The following TTBK1 variants were observed in gnomAD, a reference collection of about 807,000 sequenced individuals.
The protein encoded by TTBK1 is tau-tubulin kinase 1.
Under a neutral mutation model 108.5 loss-of-function variants are expected in TTBK1, and 34 were observed. The ratio of observed to expected loss-of-function variants is 0.31; its 90% CI spans 0.24 to 0.42. The LOEUF (loss-of-function observed/expected upper bound fraction) is 0.42. Ranked by LOEUF, TTBK1 falls within the 10% of genes least tolerant of loss-of-function variation. The probability of loss-of-function intolerance (pLI) is 1.00; values close to 1 mark genes in which losing one functional copy is unlikely to be tolerated. For missense variants in TTBK1, 1,539 were observed against 1,826.0 expected, an observed-to-expected ratio of 0.84 and a Z score of 2.86; for synonymous variants, 809 against 795.1, an observed-to-expected ratio of 1.02 and a Z score of -0.29.
At chr6:43,270,390 G>A (rs1184852707) in intron 13 of TTBK1, 10 of 1,002,594 alleles carry the variant, frequency 1.0e-5, no homozygotes, top group South Asian at 4.6e-5. Context: ...AGGGGCTGGC[G>A]GGAGGCCAAG....
Position 43,285,154 on chromosome 6 carries a change from C to T in TTBK1, c.3744C>T (p.Ser1248=). 1 of 1,423,080 alleles carries T rather than the reference C, an allele frequency of 7.0e-7. No homozygotes were observed. Among genetic ancestry groups the T allele is most frequent in the African/African-American group, 1.5e-5 (1 of 66,542 alleles). 88.2% of individuals were successfully genotyped at this position (1,423,080 alleles called of 1,614,324 possible). A position where few individuals can be genotyped will look rare whatever the true frequency, so the allele number is the denominator to read the frequency against. ...STSAARNASA[S]PRSQSLSRRE... ...CCGCCGCGCGCAATGCCAGCGCGTC[C>T]CCCCGGAGCCAGTCCCTGTCCCGCA... The change falls in exon 15 of 15, where the codon TCC becomes TCT. Residue 1248 remains serine, a synonymous_variant. Transcript: ENST00000259750. The surrounding 1 kb of genome is among the most constrained non-coding windows in gnomAD (Gnocchi z 4.7).
At chr6:43,255,462 C>T (rs1777358038) in intron 7 of TTBK1, 90 bp from the exon 8 acceptor site, 14 of 1,236,258 alleles carry the variant, frequency 1.1e-5, no homozygotes, top group Non-Finnish European at 1.5e-5. Context: ...TGTCAGGCCT[C>T]CCTGACAGAT....
At position 43,285,360 on chromosome 6, in the gene TTBK1, G is replaced by A. The variant is rs1778345697; in HGVS notation, c.3950G>A (p.Arg1317Gln). The A allele has an allele frequency of 2.3e-6, 3 of 1,281,914 alleles. No individual in the cohort carries two copies. Among genetic ancestry groups the A allele is most frequent in the South Asian group, 2.9e-5 (1 of 34,986 alleles). The allele number at this position is 1,281,914 out of a possible 1,614,324, so 79.4% of individuals were successfully genotyped here. Residue 1317 changes from arginine to glutamine, a missense_variant, in exon 15 of 15, where the codon CGG (arginine) becomes CAG (glutamine). Arg to Gln is a conservative substitution (Grantham distance 43, BLOSUM62 1). Around this residue, in one of 5 missense-constraint regions of TTBK1, gnomAD observed 1,055 missense variants for 1,086.5 expected, o/e 0.97. Coordinates refer to ENST00000259750, the MANE Select transcript of TTBK1 (RefSeq NM_032538.3). This position sits in a 1 kb window ranked among gnomAD's most constrained non-coding sequence, Gnocchi z 4.7. ...TKGRAGGAEG[R>Q]AGAR ...GGCCGGGCAGGAGGCGCGGAGGGCC[G>A]GGCTGGGGCCAGATAATGACGCCCG... is the stretch of plus-strand genomic sequence containing the variant.
chr6:43,245,808 T>C (rs1338411743), intron 1 of TTBK1, among the ~76,000 whole-genome samples: 2 of 152,160 alleles, frequency 1.3e-5, no homozygotes, highest in Non-Finnish European at 2.9e-5. Context: ...AGACCTGCTG[T>C]TCTCTTTCAC....
chr6:43,248,556 C>G (rs1443918015), intron 2 of TTBK1, among the ~76,000 whole-genome samples: 1 of 152,196 alleles, frequency 6.6e-6, no homozygotes, highest in Non-Finnish European at 1.5e-5. Context: ...AACCTCATCT[C>G]TACTAAAAAT....
In TTBK1 at chr6:43,284,143, G is replaced by A. The variant is rs777659753; in HGVS notation, c.3403G>A (p.Ala1135Thr). Residue 1135 changes from alanine (A) to threonine (T), a missense_variant, in exon 14 of 15, where the codon GCC becomes ACC. Around this residue, in one of 5 missense-constraint regions of TTBK1, gnomAD observed 1,055 missense variants for 1,086.5 expected, o/e 0.97. Transcript: ENST00000259750. ...SGTGSEEDTP[A>T]SEPAAALPRK... Reference sequence around the variant, plus strand: ...CACGGGCTCTGAGGAGGACACGCCCGCCTCTGAGCCGGCAGCGGCCTTGCC... The same window carrying A: ...CACGGGCTCTGAGGAGGACACGCCCACCTCTGAGCCGGCAGCGGCCTTGCC... 84 of 1,544,188 alleles carry A rather than the reference G, an allele frequency of 5.4e-5. 2 individuals carry two copies. Among genetic ancestry groups the A allele is most frequent in the African/African-American group, 8.2e-5 (6 of 73,344 alleles).
Position 43,253,534 on chromosome 6 carries a change from G to C in TTBK1, c.331-34G>C. 6.3e-7 allele frequency: 1 copy of C among 1,590,416 alleles called. No homozygotes were observed. Among genetic ancestry groups the C allele is most frequent in the Non-Finnish European group, 8.6e-7 (1 of 1,168,092 alleles). On this transcript the variant is annotated intron_variant, in intron 4 of 14. Transcript: ENST00000259750. The surrounding 1 kb of genome is among the most constrained non-coding windows in gnomAD (Gnocchi z 5.8). ...GATGGTGTCTGGGATGATGGCTGAG[G>C]GTGAGTCTACCCCCCACCTCCACCC... is the stretch of plus-strand genomic sequence containing the variant.
intron 13 of TTBK1, chr6:43,270,889 C>T (rs1777817536): frequency 3.2e-5 from 32 of 985,408 alleles, no homozygotes; most frequent in Non-Finnish European, 3.7e-5. Flanking sequence ...AGCAGCCCCA[C>T]CTCTGCCCTT....
rs770411120 is a variant in TTBK1 at position 43,282,689 on chromosome 6, G to T, written c.1987-38G>T. 2 of 1,537,252 alleles carry T rather than the reference G, an allele frequency of 1.3e-6. No homozygotes were observed. The highest frequency in any genetic ancestry group is 2.4e-5 in the South Asian group (2 of 82,572). On this transcript the variant is annotated intron_variant, in intron 13 of 14. Transcript: ENST00000259750. The surrounding 1 kb of genome is among the most constrained non-coding windows in gnomAD (Gnocchi z 5.4). Reference sequence around the variant, plus strand: ...GAAGTCTTCCTGGGCCCAGGAGGGTGGGTGACCTCAGAGGGTCCCTGTGTA... The same window carrying T: ...GAAGTCTTCCTGGGCCCAGGAGGGTTGGTGACCTCAGAGGGTCCCTGTGTA...
chr6:43,279,652 C>G (rs1315421103), intron 13 of TTBK1, among the ~76,000 whole-genome samples: 1 of 152,200 alleles, frequency 6.6e-6, no homozygotes, highest in East Asian at 1.9e-4. Flanking sequence ...ACAGTTGGTG[C>G]TTAGTGTTTG....
rs1356871908 is a variant in TTBK1 at position 43,285,038 on chromosome 6, C to G, written c.3628C>G (p.Gln1210Glu). 6.6e-7 allele frequency: 1 copy of G among 1,515,084 alleles called. No individual in the cohort carries two copies. The highest frequency in any genetic ancestry group is 1.4e-5 in the African/African-American group (1 of 69,864). The allele number at this position is 1,515,084 out of a possible 1,614,324, so 93.9% of individuals were successfully genotyped here. The stretch of plus-strand genomic sequence containing the variant: ...CACTGCTGCTGACCTCCGCCCCAAA[C>G]AACCTCCTGGCCGCGGCCTGGGCCC... ...SATAADLRPK[Q>E]PPGRGLGPGR... Residue 1210 changes from glutamine to glutamate, a missense_variant, in exon 15 of 15, where the codon CAA becomes GAA. Gln to Glu is a conservative substitution (Grantham distance 29). Around this residue, in one of 5 missense-constraint regions of TTBK1, gnomAD observed 1,055 missense variants for 1,086.5 expected, o/e 0.97. Transcript: ENST00000259750. This position sits in a 1 kb window ranked among gnomAD's most constrained non-coding sequence, Gnocchi z 4.7.
chr6:43,252,642 C>T (rs967689087), intron 2 of TTBK1, 97 bp from the exon 3 acceptor site: 5 of 1,413,044 alleles, frequency 3.5e-6, no homozygotes, highest in African/African-American at 2.9e-5. Flanking sequence ...AAAGATACCC[C>T]CCTTCCCCAC....
Position 43,262,936 on chromosome 6 carries a change from C to A in TTBK1, c.1572C>A (p.Ser524Arg). The change falls in exon 13 of 15, where the codon AGC (serine) becomes AGA (arginine). Residue 524 changes from serine (S) to arginine (R), a missense_variant. Ser to Arg is a moderately radical substitution (Grantham distance 110). Coordinates refer to ENST00000259750, the MANE Select transcript of TTBK1 (RefSeq NM_032538.3). ...VSASVEQEAL[S>R]NAFRSVPLAE... ...CCTCTGTGGAGCAGGAGGCCCTGAG[C>A]AACGCCTTCCGCTCGGTGCCGCTGG... 6.2e-7 allele frequency: 1 copy of A among 1,614,048 alleles called. No individual in the cohort carries two copies. The highest frequency in any genetic ancestry group is 8.5e-7 in the Non-Finnish European group (1 of 1,179,944).
At chr6:43,246,462 A>G (rs1047177401) in intron 1 of TTBK1, 145 bp from the exon 2 acceptor site, 10 of 501,934 alleles carry the variant, frequency 2.0e-5, no homozygotes, top group Non-Finnish European at 3.2e-5. Flanking sequence ...TGGCCTTTAT[A>G]CAATCTTTCC....
intron 13 of TTBK1, chr6:43,271,240 CTGTA>C (rs1177800350): frequency 1.0e-6 from 1 of 985,342 alleles, no homozygotes; most frequent in Non-Finnish European, 1.2e-6. Flanking sequence ...GAGACTGTGT[CTGTA>C]TGTTTGCTTG....
chr6:43,283,794 G>A lies in TTBK1; in HGVS notation c.3054G>A (p.Pro1018=), dbSNP rs775120845. The A allele has an allele frequency of 2.2e-5, 35 of 1,613,430 alleles. No individual in the cohort carries two copies. The highest frequency in any genetic ancestry group is 6.7e-5 in the East Asian group (3 of 44,886). The change falls in exon 14 of 15, where the codon CCG becomes CCA. Residue 1018 remains proline (P), a synonymous_variant. Transcript: ENST00000259750. This position sits in a 1 kb window ranked among gnomAD's most constrained non-coding sequence, Gnocchi z 8.1. The part of the protein sequence containing the change: ...EMATNSLPNG[P]ALADGPAPVS... ...CCACAAACTCACTGCCCAATGGCCC[G>A]GCCCTTGCAGACGGGCCAGCCCCGG...
Position 43,252,725 on chromosome 6 carries a change from C to T in TTBK1, c.109-14C>T, listed in dbSNP as rs777250997. 1.5e-5 allele frequency: 25 copies of T among 1,613,670 alleles called. No individual in the cohort carries two copies. The highest frequency in any genetic ancestry group is 1.9e-5 in the Non-Finnish European group (22 of 1,179,958). On this transcript the variant is annotated splice_polypyrimidine_tract_variant and intron_variant, in intron 2 of 14. Transcript: ENST00000259750. The stretch of plus-strand genomic sequence containing the variant: ...CCTGATCCCTGAGCACCCCCTATCC[C>T]CTCATCTTCATAGCTGAAAAAGATC...
chr6:43,270,558 A>G, intron 13 of TTBK1: 4 of 985,430 alleles, frequency 4.1e-6, no homozygotes, highest in Non-Finnish European at 2.4e-6. Context: ...ACCTAGCGAG[A>G]CTTTCTCAGG....
At chr6:43,255,162 G>T (rs1777351307) in intron 7 of TTBK1, 48 bp downstream of exon 7, 1 of 1,510,434 alleles carries the variant, frequency 6.6e-7, no homozygotes. Context: ...GGAGGGGCAA[G>T]GTCGGGGTGC....
Sources: gnomAD v4.1 joint callset for allele counts (sites outside exome capture counted in the v4.1 genomes callset) on GRCh38, gnomAD v4.1.1 for gene constraint, gnomAD v4.1.1 regional missense constraint, Gnocchi (gnomAD v3.1) non-coding constraint, MANE v1.5 for transcripts, NCBI Gene and HGNC (gene_info 2026-07-23, HGNC 2026-07-21) for gene names.